RFX8: variants seen among roughly 807,000 people sequenced by gnomAD.
The protein encoded by RFX8 is DNA-binding protein RFX8.
Under a neutral mutation model 54.6 loss-of-function variants are expected in RFX8, and 46 were observed. The observed-to-expected ratio is 0.84, with a 90% CI of 0.67 to 1.08. RFX8 has a LOEUF of 1.08. Ranked by LOEUF, RFX8 falls within the 50% of genes least tolerant of loss-of-function variation. The pLI is 0.00. For synonymous variants in RFX8, 192 were observed against 209.5 expected, an observed-to-expected ratio of 0.92 and a Z score of 0.72; for missense variants, 536 against 562.3, an observed-to-expected ratio of 0.95 and a Z score of 0.47.
At chr2:101,402,407 T>A (rs1685483194) in intron 11 of RFX8, 29 bp downstream of exon 11, 1 of 1,503,418 alleles carries the variant, frequency 6.7e-7, no homozygotes, top group Non-Finnish European at 9.0e-7. Flanking sequence ...TTGAAACAGC[T>A]GTGTGGAAGG....
chr2:101,433,115 C>T (rs1422594432), intron 2 of RFX8, among the ~76,000 whole-genome samples: 2 of 152,164 alleles, frequency 1.3e-5, no homozygotes, highest in Admixed American at 6.5e-5. Context: ...ACAGTGGAAC[C>T]GGCCTCCTTG....
chr2:101,444,228 C>T (rs145688146), intron 2 of RFX8, among the ~76,000 whole-genome samples: 1 of 152,272 alleles, frequency 6.6e-6, no homozygotes, highest in East Asian at 1.9e-4. Flanking sequence ...GGGTTGAGCC[C>T]CTGCAGGTGG....
chr2:101,430,300 G>A (rs1424764236), intron 2 of RFX8, among the ~76,000 whole-genome samples: 1 of 152,216 alleles, frequency 6.6e-6, no homozygotes, highest in African/African-American at 2.4e-5. Context: ...AATTCCATTT[G>A]TCATGTGTTA....
At chr2:101,467,014 C>A in intron 1 of RFX8, 114 bp from the exon 2 acceptor site, 1 of 636,312 alleles carries the variant, frequency 1.6e-6, no homozygotes, top group Non-Finnish European at 2.8e-6. Flanking sequence ...TGAAACATGT[C>A]TAATTTATTG....
At chr2:101,471,485 T>G (rs957744948) in intron 1 of RFX8, among the ~76,000 whole-genome samples, 1 of 152,230 alleles carries the variant, frequency 6.6e-6, no homozygotes, top group Non-Finnish European at 1.5e-5. Flanking sequence ...CAACAGAGTC[T>G]GCAGAAATTT....
At chr2:101,431,008 C>T (rs1176777488) in intron 2 of RFX8, among the ~76,000 whole-genome samples, 1 of 152,128 alleles carries the variant, frequency 6.6e-6, no homozygotes, top group Non-Finnish European at 1.5e-5. Context: ...CAATTTCTCC[C>T]CAATTCCACA....
intron 1 of RFX8, among the ~76,000 whole-genome samples, chr2:101,467,585 A>G (rs1176332587): frequency 6.6e-6 from 1 of 152,236 alleles, no homozygotes; most frequent in Non-Finnish European, 1.5e-5. Context: ...GAGCGAATGC[A>G]GCAGTGCCTG....
intron 1 of RFX8, among the ~76,000 whole-genome samples, chr2:101,473,909 CG>C (rs1690147341): frequency 6.6e-6 from 1 of 152,212 alleles, no homozygotes; most frequent in South Asian, 2.1e-4. Context: ...GTCCAACCAA[CG>C]GGTCCCCGCG....
chr2:101,455,114 G>A (rs749826298), intron 2 of RFX8, among the ~76,000 whole-genome samples: 5 of 151,220 alleles, frequency 3.3e-5, no homozygotes, highest in Admixed American at 2.6e-4. Context: ...AGGTTCAAGC[G>A]ATTCTGCTGC....
intron 7 of RFX8, 72 bp downstream of exon 7, chr2:101,414,782 C>T: frequency 1.7e-6 from 2 of 1,200,884 alleles, no homozygotes; most frequent in Non-Finnish European, 2.4e-6. Flanking sequence ...TCACTCTTAA[C>T]AGGGACTTAG....
At chr2:101,470,766 C>T (rs1689936704) in intron 1 of RFX8, among the ~76,000 whole-genome samples, 1 of 134,110 alleles carries the variant, frequency 7.5e-6, no homozygotes, top group African/African-American at 2.9e-5. Context: ...GTCACCCAGG[C>T]TGGAGTGCAG....
intron 2 of RFX8, among the ~76,000 whole-genome samples, chr2:101,427,178 C>A (rs894015097): frequency 6.6e-6 from 1 of 152,154 alleles, no homozygotes; most frequent in Non-Finnish European, 1.5e-5. Flanking sequence ...GAATCAGGCC[C>A]CTCCACCCCA....
At chr2:101,422,595 G>T in intron 2 of RFX8, 123 bp from the exon 3 acceptor site, 1 of 611,748 alleles carries the variant, frequency 1.6e-6, no homozygotes, top group Non-Finnish European at 2.9e-6. Flanking sequence ...CCACACCTCT[G>T]CACACATTAC....
At position 101,406,127 on chromosome 2, in the gene RFX8, T is replaced by A. The variant is rs17025499; in HGVS notation, c.814-70A>T. 4.5e-3 allele frequency: 3,803 copies of A among 840,666 alleles called. 109 individuals are homozygous for A. The African/African-American group carries it at 0.058, about 13-fold the overall frequency. 52.1% of individuals were successfully genotyped at this position (840,666 alleles called of 1,614,324 possible). A position where few individuals can be genotyped will look rare whatever the true frequency, so the allele number is the denominator to read the frequency against. ...TCAAGAAGCATAGTATGTTTTCAAA[T>A]GCACACATTTGTCATGCACACGCAT... On this transcript the variant is annotated intron_variant, in intron 9 of 11. Coordinates refer to ENST00000428343, the MANE Select transcript of RFX8 (RefSeq NM_001145664.2).
At chr2:101,412,037 C>A (rs1474687744) in intron 8 of RFX8, among the ~76,000 whole-genome samples, 1 of 152,112 alleles carries the variant, frequency 6.6e-6, no homozygotes, top group Non-Finnish European at 1.5e-5. Flanking sequence ...TTCATAGGAA[C>A]TGAGCGGGCA....
chr2:101,433,272 T>G (rs1448248007), intron 2 of RFX8, among the ~76,000 whole-genome samples: 1 of 152,084 alleles, frequency 6.6e-6, no homozygotes, highest in African/African-American at 2.4e-5. Context: ...ACACGGGGAC[T>G]CAGAGGTCCC....
At chr2:101,472,577 TA>T (rs1690069588) in intron 1 of RFX8, among the ~76,000 whole-genome samples, 2 of 152,164 alleles carry the variant, frequency 1.3e-5, no homozygotes, top group South Asian at 4.1e-4. Context: ...GACTGTCTGC[TA>T]AAATGGTCTA....
intron 2 of RFX8, among the ~76,000 whole-genome samples, chr2:101,433,512 T>G (rs1447328552): frequency 6.6e-6 from 1 of 152,278 alleles, no homozygotes; most frequent in Non-Finnish European, 1.5e-5. Context: ...ATCTTGTTTC[T>G]TTAATTTTTC....
chr2:101,459,897 C>T (rs1163540860), intron 2 of RFX8, among the ~76,000 whole-genome samples: 11 of 152,250 alleles, frequency 7.2e-5, no homozygotes, highest in East Asian at 1.9e-4. Flanking sequence ...GCATCCAGTT[C>T]GAGCTTCCCA....
Sources: gnomAD v4.1 joint callset for allele counts (sites outside exome capture counted in the v4.1 genomes callset) on GRCh38, gnomAD v4.1.1 for gene constraint, MANE v1.5 for transcripts, NCBI Gene and HGNC (gene_info 2026-07-23, HGNC 2026-07-21) for gene names.